Variants in NKAIN3 observed in about 807,000 individuals in gnomAD.
NKAIN3 encodes sodium/potassium-transporting ATPase subunit beta-1-interacting protein 3.
Under a neutral mutation model 30.2 loss-of-function variants are expected in NKAIN3, and 25 were observed. The ratio of observed to expected loss-of-function variants is 0.83; its 90% CI spans 0.60 to 1.16. The LOEUF (loss-of-function observed/expected upper bound fraction) is 1.16, where lower values mean the gene tolerates loss of function less well. Among genes scored for constraint, NKAIN3 ranks in the 50% most tolerant of loss-of-function variants. The pLI, the probability that NKAIN3 is intolerant of heterozygous loss-of-function variation, is 0.00. For synonymous variants in NKAIN3, 91 were observed against 89.6 expected (o/e 1.02, Z -0.09); for missense variants, 225 against 254.1 (o/e 0.89, Z 0.78).
At chr8:62,447,726 C>G (rs1172863514) in intron 1 of NKAIN3, among the ~76,000 whole-genome samples, 1 of 151,972 alleles carries the variant, frequency 6.6e-6, no homozygotes, top group Non-Finnish European at 1.5e-5. Flanking sequence ...TTCTGGCATC[C>G]CATTGATCCT....
At chr8:62,945,938 G>T (rs553805311) in intron 5 of NKAIN3, among the ~76,000 whole-genome samples, 2 of 152,180 alleles carry the variant, frequency 1.3e-5, no homozygotes, top group African/African-American at 2.4e-5. Context: ...CATCCATTTT[G>T]CATAGTATTG....
chr8:62,988,655 C>T (rs1210259711), downstream of NKAIN3, among the ~76,000 whole-genome samples: 1 of 152,214 alleles, frequency 6.6e-6, no homozygotes, highest in Non-Finnish European at 1.5e-5. Context: ...GGGCTTTGGG[C>T]CCAGCCCAGG....
chr8:62,805,370 C>G (rs1818239028), intron 4 of NKAIN3, among the ~76,000 whole-genome samples: 1 of 151,740 alleles, frequency 6.6e-6, no homozygotes, highest in Admixed American at 6.6e-5. Context: ...AAGAACAAAG[C>G]TGGAGGCATC....
At chr8:62,677,164 C>G (rs936911048) in intron 3 of NKAIN3, among the ~76,000 whole-genome samples, 3 of 152,130 alleles carry the variant, frequency 2.0e-5, no homozygotes, top group Non-Finnish European at 1.5e-5. Context: ...TACTGAGGTG[C>G]GTTCTCAGAA....
intron 1 of NKAIN3, among the ~76,000 whole-genome samples, chr8:62,389,863 TTTG>T (rs1030659597): frequency 6.6e-6 from 1 of 152,122 alleles, no homozygotes; most frequent in Non-Finnish European, 1.5e-5. Context: ...TTATCTAGTT[TTTG>T]TTGTTGTTGA....
intron 4 of NKAIN3, chr8:62,855,682 G>T: frequency 6.2e-7 from 1 of 1,603,448 alleles, no homozygotes. Flanking sequence ...GGTTCTCAAA[G>T]CTGTCACTTC....
At position 62,617,252 on chromosome 8, in the gene NKAIN3, C is replaced by T. The variant is rs188753306; in HGVS notation, c.273+27458C>T. On this transcript the variant is annotated intron_variant, in intron 3 of 6. Transcript: ENST00000623646. ...ATAGCAATGCAAGAATGGCCTAACACACTCAGATAAGGTCAAAAGGAGCTC... is the reference window on the plus strand; with the variant it reads ...ATAGCAATGCAAGAATGGCCTAACATACTCAGATAAGGTCAAAAGGAGCTC... 1.1e-4 allele frequency among the ~76,000 whole-genome samples: 16 copies of T among 152,226 alleles called. No homozygotes were observed. The East Asian group carries it at 2.5e-3, about 24-fold the overall frequency.
intron 1 of NKAIN3, among the ~76,000 whole-genome samples, chr8:62,557,968 G>A (rs142168487): frequency 9.2e-5 from 14 of 151,998 alleles, no homozygotes; most frequent in South Asian, 8.3e-4. Context: ...GTTCTTGGTC[G>A]TGAAATCCTT....
rs1321013648 is a variant in NKAIN3, at chr8:62,427,813, C to T, written c.55-151726C>T. Among the ~76,000 whole-genome samples the T allele has an allele frequency of 2.0e-5, 3 of 151,748 alleles. No homozygotes were observed. The East Asian group carries it at 5.8e-4, about 29-fold the overall frequency. On this transcript the variant is annotated intron_variant, in intron 1 of 6. Transcript: ENST00000623646. Reference sequence around the variant, plus strand: ...TCTGGGTAATTGTAATATTTCATAACCTGAAACAATTATCATGTCTTTGTA... The same window carrying T: ...TCTGGGTAATTGTAATATTTCATAATCTGAAACAATTATCATGTCTTTGTA...
chr8:62,449,678 T>G (rs893150350), intron 1 of NKAIN3, among the ~76,000 whole-genome samples: 6 of 152,120 alleles, frequency 3.9e-5, no homozygotes, highest in African/African-American at 1.2e-4. Context: ...ATTAAAATAC[T>G]AAAAGGTATG....
intron 1 of NKAIN3, among the ~76,000 whole-genome samples, chr8:62,544,258 C>T (rs1479428542): frequency 1.3e-5 from 2 of 152,168 alleles, no homozygotes; most frequent in African/African-American, 4.8e-5. Context: ...CTGCCTCAGA[C>T]TCCCAAAGTG....
intron 1 of NKAIN3, among the ~76,000 whole-genome samples, chr8:62,467,149 C>A (rs1806188451): frequency 6.6e-6 from 1 of 152,144 alleles, no homozygotes. Flanking sequence ...GCCTCAGGAC[C>A]TTTGCACTTG....
chr8:62,914,181 G>A (rs747039491), intron 4 of NKAIN3, among the ~76,000 whole-genome samples: 12 of 152,242 alleles, frequency 7.9e-5, no homozygotes, highest in Middle Eastern at 6.8e-3. Context: ...TAACGAAATC[G>A]TATCTTTTGT....
chr8:62,584,633 C>G (rs1275635011), intron 2 of NKAIN3, among the ~76,000 whole-genome samples: 1 of 152,206 alleles, frequency 6.6e-6, no homozygotes, highest in Admixed American at 6.5e-5. Context: ...AGACCACATG[C>G]TGCTTTTGCC....
intron 3 of NKAIN3, among the ~76,000 whole-genome samples, chr8:62,629,461 C>T (rs187394439): frequency 6.6e-6 from 1 of 152,084 alleles, no homozygotes; most frequent in Non-Finnish European, 1.5e-5. Flanking sequence ...ATGAACAATG[C>T]TCTTGCCTTC....
chr8:62,867,138 A>G (rs1302044833), intron 4 of NKAIN3, among the ~76,000 whole-genome samples: 7 of 151,596 alleles, frequency 4.6e-5, no homozygotes, highest in Non-Finnish European at 8.8e-5. Context: ...GAGAGTAACC[A>G]TAGGGTCTCT....
In NKAIN3 at chr8:62,870,543, CAT is replaced by C. The variant is rs1215141523; in HGVS notation, c.472-47902_472-47901del. Among the ~76,000 whole-genome samples the C allele has an allele frequency of 1.8e-4, 23 of 129,514 alleles. 1 individual carries two copies. Among genetic ancestry groups the C allele is most frequent in the African/African-American group, 3.6e-4 (12 of 33,260 alleles). 85.0% of individuals were successfully genotyped at this position (129,514 alleles called of 152,430 possible). ...TATATGTATATATGTACAATATGTA[CAT>C]ATATATACTATATATACTATATATA... On this transcript the variant is annotated intron_variant, in intron 4 of 6. Transcript: ENST00000623646.
In NKAIN3 at chr8:62,975,006, G is replaced by A. The variant is rs918956816; in HGVS notation, c.*9599G>A. On this transcript the variant is annotated 3_prime_UTR_variant, in exon 7 of 7. Transcript: ENST00000623646. ...TGAAACAGCCTTGCATCCCAGGGAT[G>A]AAGCTGACTTGATCATGGTGGGTAA... 6.6e-6 allele frequency among the ~76,000 whole-genome samples: 1 copy of A among 152,202 alleles called. No homozygotes were observed. The highest frequency in any genetic ancestry group is 2.4e-5 in the African/African-American group (1 of 41,456).
chr8:62,341,694 T>A (rs1815752284), intron 1 of NKAIN3, among the ~76,000 whole-genome samples: 2 of 151,890 alleles, frequency 1.3e-5, no homozygotes, highest in South Asian at 4.2e-4. Context: ...AGGAAAAAAA[T>A]TCTTTTGCAA....
Sources: allele counts gnomAD v4.1 joint callset (sites outside exome capture counted in the v4.1 genomes callset), GRCh38; gene constraint gnomAD v4.1.1; transcripts MANE v1.5; gene names NCBI Gene and HGNC (gene_info 2026-07-23, HGNC 2026-07-21).